The following IL16 variants were observed in gnomAD, a reference collection of about 807,000 sequenced individuals.
IL16 encodes the protein pro-interleukin-16.
IL16 carries 67 observed loss-of-function variants against 110.1 expected under a neutral mutation model. The observed-to-expected ratio is 0.61, with a 90% confidence interval of 0.50 to 0.75. The LOEUF (loss-of-function observed/expected upper bound fraction) is 0.75, where lower values mean the gene tolerates loss of function less well. Among genes scored for constraint, IL16 ranks in the 30% least tolerant of loss-of-function variants. IL16 has a pLI of 0.00. For synonymous variants in IL16, 689 were observed against 662.9 expected (o/e 1.04, Z -0.61); for missense variants, 1,545 against 1,655.0 (o/e 0.93, Z 1.15).
Position 81,305,932 on chromosome 15 carries a change from C to T in IL16, c.3445C>T (p.Leu1149=), listed in dbSNP as rs746268015. 1.9e-6 allele frequency: 3 copies of T among 1,614,166 alleles called. No individual in the cohort carries two copies. The African/African-American group carries it at 4.0e-5, about 22-fold the overall frequency. ...ITVHRVFPNG[L]ASQEGTIQKG... is the part of the protein sequence containing the mutation. Reference sequence around the variant, plus strand: ...GGTTCACAGAGTGTTTCCAAATGGGCTGGCCTCCCAGGAAGGGACTATTCA... The same window carrying T: ...GGTTCACAGAGTGTTTCCAAATGGGTTGGCCTCCCAGGAAGGGACTATTCA... Residue 1149 remains leucine, a synonymous_variant, in exon 17 of 19, where the codon CTG becomes TTG. Transcript: ENST00000683961.
chr15:81,296,868 G>A (rs564829757), intron 12 of IL16, 60 bp from the exon 13 acceptor site: 681 of 1,468,492 alleles, frequency 4.6e-4, no homozygotes, highest in Non-Finnish European at 5.0e-4. Context: ...AGCGTGTCTC[G>A]CCTTCTCACA....
chr15:81,228,977 C>T (rs1896882406), intron 2 of IL16, among the ~76,000 whole-genome samples: 1 of 152,168 alleles, frequency 6.6e-6, no homozygotes, highest in Non-Finnish European at 1.5e-5. Flanking sequence ...TAGGCACTTA[C>T]ATGAGAAAAT....
intron 1 of IL16, among the ~76,000 whole-genome samples, chr15:81,219,433 G>T (rs1383289762): frequency 6.7e-6 from 1 of 150,110 alleles, no homozygotes; most frequent in Non-Finnish European, 1.5e-5. Flanking sequence ...GCAGGCCTTT[G>T]GAGGTAATAT....
At chr15:81,308,579 A>AC (rs1900688643) in intron 18 of IL16, 26 bp from the exon 19 acceptor site, 2 of 1,557,820 alleles carry the variant, frequency 1.3e-6, no homozygotes, top group African/African-American at 2.8e-5. Context: ...CATCTGTGGA[A>AC]CCCATTACCT....
At position 81,252,388 on chromosome 15, in the gene IL16, C is replaced by A. The variant is rs1351455046; in HGVS notation, c.313-7384C>A. ...CATTTTTATAAAATTATGCTGGCAA[C>A]AAGGTGCAGAGGAATTTAAGGGAGA... On this transcript the variant is annotated intron_variant, in intron 2 of 18. Transcript: ENST00000683961. Among the ~76,000 whole-genome samples, 4 of 151,984 alleles carry A rather than the reference C, an allele frequency of 2.6e-5. No individual in the cohort carries two copies. In the East Asian group the frequency reaches 7.7e-4, roughly 29 times the overall value.
chr15:81,271,813 C>T (rs1435529299), intron 5 of IL16, among the ~76,000 whole-genome samples: 1 of 152,208 alleles, frequency 6.6e-6, no homozygotes, highest in Non-Finnish European at 1.5e-5. Flanking sequence ...TCACCAGAGG[C>T]TTAGAACAGC....
Position 81,231,324 on chromosome 15 carries a change from GTCTCTCTCTC to G in IL16, c.312+5662_312+5671del, listed in dbSNP as rs532872365. Among the ~76,000 whole-genome samples the G allele has an allele frequency of 8.8e-3, 414 of 47,154 alleles. 1 individual carries two copies. Among genetic ancestry groups the G allele is most frequent in the African/African-American group, 0.02 (255 of 12,748 alleles). 30.9% of individuals were successfully genotyped at this position (47,154 alleles called of 152,430 possible). A position where few individuals can be genotyped will look rare whatever the true frequency, so the allele number is the denominator to read the frequency against. ...GGGGAGATCTACCCAAGGTCGGTCT[GTCTCTCTCTC>G]TCTCTCTCTCTCTCTCTCTCTCTCT... On this transcript the variant is annotated intron_variant, in intron 2 of 18. Coordinates refer to ENST00000683961, the MANE Select transcript of IL16 (RefSeq NM_172217.5).
intron 2 of IL16, among the ~76,000 whole-genome samples, chr15:81,258,342 T>C (rs1898023051): frequency 6.6e-6 from 1 of 152,182 alleles, no homozygotes; most frequent in South Asian, 2.1e-4. Flanking sequence ...TGTTGTTTAA[T>C]ATACTGCTTA....
chr15:81,191,036 G>A (rs932852522), intron 1 of IL16, among the ~76,000 whole-genome samples: 23 of 152,178 alleles, frequency 1.5e-4, no homozygotes, highest in African/African-American at 5.6e-4. Context: ...TCCAACATGG[G>A]GGATTAGCAC....
rs180921522 is a variant in IL16, at chr15:81,233,954, C to T, written c.312+8243C>T. 5.7e-3 allele frequency among the ~76,000 whole-genome samples: 863 copies of T among 152,138 alleles called. 5 individuals are homozygous for T. The highest frequency in any genetic ancestry group is 8.5e-3 in the Non-Finnish European group (580 of 67,922). On this transcript the variant is annotated intron_variant, in intron 2 of 18. Coordinates refer to ENST00000683961, the MANE Select transcript of IL16 (RefSeq NM_172217.5). ...AATTTTTGCCTTATATATTTTGAAGCTATACTCTATGTGCATAGACCTTTA... is the reference window on the plus strand; with the variant it reads ...AATTTTTGCCTTATATATTTTGAAGTTATACTCTATGTGCATAGACCTTTA...
intron 2 of IL16, among the ~76,000 whole-genome samples, chr15:81,249,930 G>A (rs1897708057): frequency 6.6e-6 from 1 of 151,912 alleles, no homozygotes; most frequent in Non-Finnish European, 1.5e-5. Context: ...CTTTAACACT[G>A]TCTAATACAC....
intron 12 of IL16, among the ~76,000 whole-genome samples, chr15:81,294,341 T>C (rs1448228302): frequency 6.6e-6 from 1 of 152,224 alleles, no homozygotes; most frequent in East Asian, 1.9e-4. Flanking sequence ...CTGAGACCTA[T>C]GAGTCCAGAA....
At chr15:81,277,359 G>C (rs182491527) in intron 6 of IL16, among the ~76,000 whole-genome samples, 2 of 152,278 alleles carry the variant, frequency 1.3e-5, no homozygotes, top group East Asian at 1.9e-4. Flanking sequence ...ATTTCTGCTT[G>C]AGGAAACACA....
chr15:81,191,108 T>C (rs1036589753), intron 1 of IL16, among the ~76,000 whole-genome samples: 1 of 152,212 alleles, frequency 6.6e-6, no homozygotes, highest in Non-Finnish European at 1.5e-5. Context: ...AAATGCTTGT[T>C]GTTGCTGTTA....
At chr15:81,261,743 T>C (rs1898165833) in intron 3 of IL16, among the ~76,000 whole-genome samples, 2 of 152,040 alleles carry the variant, frequency 1.3e-5, no homozygotes, top group African/African-American at 2.4e-5. Context: ...TCCCAAACCC[T>C]GATTGATACA....
At chr15:81,221,277 T>C (rs780722964) in intron 1 of IL16, among the ~76,000 whole-genome samples, 15 of 151,604 alleles carry the variant, frequency 9.9e-5, no homozygotes, top group Non-Finnish European at 1.9e-4. Flanking sequence ...TCATTGTGCT[T>C]CCCCCCCGGA....
At chr15:81,279,904 G>T (rs547007573) in intron 8 of IL16, 130 bp downstream of exon 8, 5 of 749,682 alleles carry the variant, frequency 6.7e-6, no homozygotes, top group South Asian at 5.2e-5. Context: ...TACAGCTACT[G>T]CTTGGAGCCA....
At chr15:81,254,997 C>G (rs1411602135) in intron 2 of IL16, among the ~76,000 whole-genome samples, 1 of 152,186 alleles carries the variant, frequency 6.6e-6, no homozygotes, top group African/African-American at 2.4e-5. Context: ...GGAAACTGAG[C>G]CCAGATAATT....
chr15:81,268,061 G>C (rs1372150248), intron 4 of IL16, among the ~76,000 whole-genome samples: 1 of 152,258 alleles, frequency 6.6e-6, no homozygotes, highest in Admixed American at 6.5e-5. Context: ...CAAAGGAGGA[G>C]GAGAGGGAGT....
Sources: allele counts gnomAD v4.1 joint callset (sites outside exome capture counted in the v4.1 genomes callset), GRCh38; gene constraint gnomAD v4.1.1; transcripts MANE v1.5; gene names NCBI Gene and HGNC (gene_info 2026-07-23, HGNC 2026-07-21).